Variants in STK3 observed in about 807,000 individuals in gnomAD.
The protein encoded by STK3 is serine/threonine-protein kinase 3.
STK3 carries 41 observed loss-of-function variants against 58.0 expected under a neutral mutation model. The ratio of observed to expected loss-of-function variants is 0.71; its 90% CI spans 0.55 to 0.92. STK3 has a LOEUF of 0.92. Among genes scored for constraint, STK3 ranks in the 40% least tolerant of loss-of-function variants. STK3 has a pLI of 0.00. For synonymous variants in STK3, 170 were observed against 191.0 expected (o/e 0.89, Z 0.91); for missense variants, 479 against 602.7 (o/e 0.79, Z 2.15).
intron 10 of STK3, among the ~76,000 whole-genome samples, chr8:98,462,266 A>G (rs1347717514): frequency 6.6e-6 from 1 of 151,410 alleles, no homozygotes; most frequent in African/African-American, 2.4e-5. Flanking sequence ...GCTCACCGCA[A>G]CTGATGAGAA....
chr8:98,474,556 A>T (rs1299089615), intron 10 of STK3, among the ~76,000 whole-genome samples: 1 of 152,208 alleles, frequency 6.6e-6, no homozygotes, highest in African/African-American at 2.4e-5. Context: ...TTAAATGATT[A>T]CATGCCTTTC....
chr8:98,392,920 C>A (rs1250678857), upstream of STK3, among the ~76,000 whole-genome samples: 1 of 152,178 alleles, frequency 6.6e-6, no homozygotes, highest in Admixed American at 6.5e-5. Flanking sequence ...CTGGATCCCC[C>A]CTTCAGTTCA....
At chr8:98,791,000 C>T (rs1035094025) in intron 1 of STK3, among the ~76,000 whole-genome samples, 8 of 150,024 alleles carry the variant, frequency 5.3e-5, no homozygotes, top group African/African-American at 2.0e-4. Context: ...AAAAAAAAGG[C>T]ATTCAAATCG....
intron 3 of STK3, chr8:98,413,399 T>C: frequency 3.6e-6 from 2 of 551,136 alleles, no homozygotes; most frequent in Non-Finnish European, 7.2e-6. Context: ...TTGGCTACAG[T>C]TAAGCTATTT....
chr8:98,761,914 T>C (rs899950787), intron 3 of STK3, among the ~76,000 whole-genome samples: 5 of 152,160 alleles, frequency 3.3e-5, no homozygotes, highest in Non-Finnish European at 5.9e-5. Context: ...CAGGTAAGAA[T>C]GTAGAATACT....
Position 98,420,995 on chromosome 8 carries a change from G to A in STK3, n.483+13132C>T, listed in dbSNP as rs574322458. On this transcript the variant is annotated intron_variant and non_coding_transcript_variant, in intron 3 of 3. Transcript: ENST00000517832. The stretch of plus-strand genomic sequence containing the variant: ...GGATTCATGGCTAAGGGCAGGACTG[G>A]GACAGCTAGCTTCATGGTGCGGGGC... 3.3e-5 allele frequency among the ~76,000 whole-genome samples: 5 copies of A among 152,324 alleles called. No individual in the cohort carries two copies. In the East Asian group the frequency reaches 5.8e-4, roughly 18 times the overall value.
At chr8:98,475,962 G>A (rs776059921) in intron 10 of STK3, among the ~76,000 whole-genome samples, 2 of 151,702 alleles carry the variant, frequency 1.3e-5, no homozygotes, top group African/African-American at 4.8e-5. Context: ...AGAGTATCAC[G>A]ATGTTCTAGT....
chr8:98,792,011 G>A (rs1436249463), intron 1 of STK3, among the ~76,000 whole-genome samples: 1 of 152,208 alleles, frequency 6.6e-6, no homozygotes, highest in Non-Finnish European at 1.5e-5. Flanking sequence ...ACGGTCAGCA[G>A]AGTAAACAGA....
intron 3 of STK3, among the ~76,000 whole-genome samples, chr8:98,759,397 A>G (rs977202690): frequency 3.3e-5 from 5 of 152,188 alleles, no homozygotes; most frequent in African/African-American, 1.2e-4. Context: ...CACACACGAC[A>G]TTTATCAATT....
chr8:98,449,819 T>C (rs1819118103), downstream of STK3, among the ~76,000 whole-genome samples: 1 of 152,170 alleles, frequency 6.6e-6, no homozygotes, highest in African/African-American at 2.4e-5. Flanking sequence ...TCTCCGGAAA[T>C]GGATTGGTCT....
At chr8:98,443,325 A>C (rs920220559) in intron 1 of STK3, among the ~76,000 whole-genome samples, 1 of 152,208 alleles carries the variant, frequency 6.6e-6, no homozygotes, top group African/African-American at 2.4e-5. Context: ...CTATTGAGTA[A>C]TCTAACTCAG....
In STK3 at chr8:98,690,982, C is replaced by G. The variant is rs556351906; in HGVS notation, c.684+15485G>C. On this transcript the variant is annotated intron_variant, in intron 6 of 10. Transcript: ENST00000419617. ...AACAGAAAACCAAACACTGCATGTT[C>G]TTACTTATAAGTGGGGGCTGACTAC... Among the ~76,000 whole-genome samples, 3 of 152,288 alleles carry G rather than the reference C, an allele frequency of 2.0e-5. No individual in the cohort carries two copies. In the South Asian group the frequency reaches 6.2e-4, roughly 32 times the overall value.
At chr8:98,437,044 A>G (rs1462377228) in intron 2 of STK3, 1 of 151,872 alleles carries the variant, frequency 6.6e-6, no homozygotes, top group Non-Finnish European at 1.5e-5. Context: ...CTTTTCTGCA[A>G]CCCCTCCACT....
rs1010122410 is a variant in STK3 at position 98,713,821 on chromosome 8, C to CA, written c.352-6511dup. Among the ~76,000 whole-genome samples, 192 of 145,364 alleles carry CA rather than the reference C, an allele frequency of 1.3e-3. 1 individual carries two copies. Among genetic ancestry groups the CA allele is most frequent in the African/African-American group, 3.0e-3 (121 of 39,772 alleles). On this transcript the variant is annotated intron_variant, in intron 4 of 10. Transcript: ENST00000419617. ...ATACCAAAGCCTGGCAGAGACACAA[C>CA]AAAAAAAAAAGAGAATTTTAGACCA...
At chr8:98,597,296 C>T (rs2129994902) in intron 6 of STK3, 1 of 985,258 alleles carries the variant, frequency 1.0e-6, no homozygotes, top group East Asian at 1.1e-4. Context: ...AGCAAAGACT[C>T]AATATCCAAG....
chr8:98,381,838 A>G (rs1299279039), intron 1 of STK3, among the ~76,000 whole-genome samples: 1 of 152,232 alleles, frequency 6.6e-6, no homozygotes, highest in Non-Finnish European at 1.5e-5. Context: ...CTTGAGGCCA[A>G]TGAAGGTGAA....
rs375150189 is a variant in STK3 at position 98,753,756 on chromosome 8, T to C, written c.237-4366A>G. ...CAATAAATACAAAAAAAAATAACTATGTCTTGAAGTCAAAGGTAGAACAGA... is the reference window on the plus strand; with the variant it reads ...CAATAAATACAAAAAAAAATAACTACGTCTTGAAGTCAAAGGTAGAACAGA... On this transcript the variant is annotated intron_variant, in intron 3 of 10. Transcript: ENST00000419617. Among the ~76,000 whole-genome samples the C allele has an allele frequency of 4.6e-5, 7 of 152,290 alleles. No homozygotes were observed. In the South Asian group the frequency reaches 1.5e-3, roughly 32 times the overall value.
At chr8:98,587,930 T>A (rs921061828) in intron 7 of STK3, among the ~76,000 whole-genome samples, 15 of 152,194 alleles carry the variant, frequency 9.9e-5, no homozygotes, top group Admixed American at 2.6e-4. Context: ...CCCCTGCCTT[T>A]TTTTGTTTTC....
Position 98,455,974 on chromosome 8 carries a change from T to C in STK3, c.1344A>G (p.Leu448=), listed in dbSNP as rs1267914460. 2 of 1,611,082 alleles carry C rather than the reference T, an allele frequency of 1.2e-6. No homozygotes were observed. Among genetic ancestry groups the C allele is most frequent in the Admixed American group, 1.7e-5 (1 of 59,570 alleles). The change falls in exon 11 of 11, where the codon CTA becomes CTG. Residue 448 remains leucine (L), a synonymous_variant. Coordinates refer to ENST00000419617, the MANE Select transcript of STK3 (RefSeq NM_006281.4). ...GGTCCAGTGCTTTTAACCGCATCTG[T>C]AGTTCTTCTAAACTTAGATTTTTCA... ...DFLKNLSLEE[L]QMRLKALDPM...
Sources: gnomAD v4.1 joint callset for allele counts (sites outside exome capture counted in the v4.1 genomes callset) on GRCh38, gnomAD v4.1.1 for gene constraint, MANE v1.5 for transcripts, NCBI Gene and HGNC (gene_info 2026-07-23, HGNC 2026-07-21) for gene names.